Variants in TRDN observed in about 807,000 individuals in gnomAD.
The protein encoded by TRDN is triadin in skeletal muscle.
Under a neutral mutation model 149.7 loss-of-function variants are expected in TRDN, and 161 were observed. The ratio of observed to expected loss-of-function variants is 1.08; its 90% CI spans 0.95 to 1.23. The LOEUF is 1.23. TRDN is among the 50% of genes most tolerant of loss of function. TRDN has a pLI of 0.00. For missense variants in TRDN, 896 were observed against 823.5 expected, an observed-to-expected ratio of 1.09 and a Z score of -1.08; for synonymous variants, 294 against 250.5, an observed-to-expected ratio of 1.17 and a Z score of -1.64.
intron 19 of TRDN, among the ~76,000 whole-genome samples, chr6:123,369,198 G>A (rs893022549): frequency 1.3e-5 from 2 of 152,092 alleles, no homozygotes; most frequent in Non-Finnish European, 2.9e-5. Context: ...TTATGTTCAT[G>A]TGGCAGTCTT....
At chr6:123,525,251 T>A (rs2114308436) in intron 5 of TRDN, among the ~76,000 whole-genome samples, 1 of 152,084 alleles carries the variant, frequency 6.6e-6, no homozygotes, top group African/African-American at 2.4e-5. Flanking sequence ...ACACCTGCAC[T>A]CACATGTTCA....
At position 123,398,150 on chromosome 6, in the gene TRDN, G is replaced by A. The variant is rs571417352; in HGVS notation, c.1052-4473C>T. Among the ~76,000 whole-genome samples the A allele has an allele frequency of 7.0e-4, 107 of 152,268 alleles. 2 individuals carry two copies. The highest frequency in any genetic ancestry group is 2.4e-3 in the African/African-American group (101 of 41,558). ...CTCCTGAGTAGCCGGGATTACAGGC[G>A]TCCGCCACTGCGCCCAGCTAATTTT... is the stretch of plus-strand genomic sequence containing the variant. On this transcript the variant is annotated intron_variant, in intron 12 of 40. Transcript: ENST00000334268.
intron 5 of TRDN, chr6:123,528,905 T>A: frequency 9.4e-7 from 1 of 1,063,276 alleles, no homozygotes. Flanking sequence ...TTACAAAACA[T>A]ATTTGGTCTA....
At chr6:123,478,290 C>G (rs1183207869) in intron 9 of TRDN, among the ~76,000 whole-genome samples, 2 of 151,986 alleles carry the variant, frequency 1.3e-5, no homozygotes, top group Non-Finnish European at 2.9e-5. Context: ...TCTGTTTAAC[C>G]TTAGTTAGAC....
At chr6:123,573,948 C>A (rs192782504) in intron 1 of TRDN, among the ~76,000 whole-genome samples, 18 of 152,078 alleles carry the variant, frequency 1.2e-4, no homozygotes, top group Non-Finnish European at 1.3e-4. Flanking sequence ...AAGTCTTACT[C>A]TTCTGGTTTC....
chr6:123,437,471 A>T (rs146057405), intron 12 of TRDN: 1 of 263,282 alleles, frequency 3.8e-6, no homozygotes, highest in African/African-American at 2.8e-5. Flanking sequence ...TAGTGCAATT[A>T]TGGTGCTCAC....
intron 21 of TRDN, chr6:123,350,733 G>A: frequency 1.1e-6 from 1 of 887,020 alleles, no homozygotes; most frequent in Non-Finnish European, 1.4e-6. Context: ...TGAAAAATAT[G>A]AGGCCATTGT....
intron 30 of TRDN, among the ~76,000 whole-genome samples, chr6:123,270,844 G>A (rs1485843543): frequency 6.6e-6 from 1 of 151,918 alleles, no homozygotes; most frequent in Non-Finnish European, 1.5e-5. Context: ...AAACACCTAA[G>A]TATACATGGT....
chr6:123,423,948 A>C (rs1774013530), intron 12 of TRDN, among the ~76,000 whole-genome samples: 1 of 152,098 alleles, frequency 6.6e-6, no homozygotes, highest in Non-Finnish European at 1.5e-5. Flanking sequence ...ACTCATGGGG[A>C]AAGTGACAGG....
intron 9 of TRDN, chr6:123,470,201 A>C (rs1777076071): frequency 6.6e-6 from 1 of 152,140 alleles, no homozygotes; most frequent in Admixed American, 6.5e-5. Context: ...TTAACATACA[A>C]CATATATAGG....
At chr6:123,368,532 T>C (rs1187411419) in intron 19 of TRDN, among the ~76,000 whole-genome samples, 1 of 152,114 alleles carries the variant, frequency 6.6e-6, no homozygotes, top group African/African-American at 2.4e-5. Context: ...TGAGTATTGG[T>C]ATATTTTTAA....
In TRDN at chr6:123,636,782, C is replaced by G. The variant is rs372038520; in HGVS notation, c.-7G>C. ...CAGCAGTGATCTCAGTCATGGTGGT[C>G]GTCAAAAGTAAAAGTCAGTTGAAAA... is the stretch of plus-strand genomic sequence containing the variant. On this transcript the variant is annotated 5_prime_UTR_variant, in exon 1 of 41. Transcript: ENST00000334268. 12 of 1,611,222 alleles carry G rather than the reference C, an allele frequency of 7.4e-6. No individual in the cohort carries two copies. The Admixed American group carries it at 8.4e-5, about 11-fold the overall frequency.
At chr6:123,386,998 A>G (rs1450339707) in intron 14 of TRDN, among the ~76,000 whole-genome samples, 3 of 152,228 alleles carry the variant, frequency 2.0e-5, no homozygotes, top group Non-Finnish European at 4.4e-5. Context: ...ACGATTCAGA[A>G]AAAGAATTTA....
intron 30 of TRDN, 37 bp downstream of exon 30, chr6:123,271,102 A>T: frequency 7.4e-7 from 1 of 1,350,458 alleles, no homozygotes; most frequent in Non-Finnish European, 1.0e-6. Context: ...ATAACATATA[A>T]TGAGACATAG....
chr6:123,306,119 T>A (rs941361804), intron 24 of TRDN, among the ~76,000 whole-genome samples: 2 of 152,172 alleles, frequency 1.3e-5, no homozygotes, highest in African/African-American at 4.8e-5. Context: ...TAAAGCCAAC[T>A]CTTCCAACAG....
chr6:123,414,874 G>A lies in TRDN; in HGVS notation c.1052-21197C>T, dbSNP rs150257569. Among the ~76,000 whole-genome samples the A allele has an allele frequency of 8.7e-3, 1,321 of 151,952 alleles. 10 individuals carry two copies. Among genetic ancestry groups the A allele is most frequent in the Middle Eastern group, 0.034 (10 of 294 alleles). ...TAATGATAATACAATTTTGAATATC[G>A]TTTCAGTTTTACTTACATCTATATA... On this transcript the variant is annotated intron_variant, in intron 12 of 40. Coordinates refer to ENST00000334268, the MANE Select transcript of TRDN (RefSeq NM_006073.4).
At chr6:123,560,821 C>A (rs920201756) in intron 2 of TRDN, among the ~76,000 whole-genome samples, 2 of 152,144 alleles carry the variant, frequency 1.3e-5, no homozygotes, top group South Asian at 2.1e-4. Flanking sequence ...CATTTCATAA[C>A]CTCTTCCATG....
intron 12 of TRDN, among the ~76,000 whole-genome samples, chr6:123,402,697 T>C (rs9490741): frequency 0.15 from 22,712 of 152,114 alleles, 1,753 homozygotes; most frequent in African/African-American, 0.2. Flanking sequence ...TCTGTCCCTT[T>C]AGCATAGAAG....
intron 1 of TRDN, among the ~76,000 whole-genome samples, chr6:123,581,933 G>A (rs1783140016): frequency 6.6e-6 from 1 of 152,134 alleles, no homozygotes; most frequent in Admixed American, 6.5e-5. Flanking sequence ...GATTAAATGG[G>A]TAGATAGCCA....
Sources: allele counts gnomAD v4.1 joint callset (sites outside exome capture counted in the v4.1 genomes callset), GRCh38; gene constraint gnomAD v4.1.1; transcripts MANE v1.5; gene names NCBI Gene and HGNC (gene_info 2026-07-23, HGNC 2026-07-21).